ASTN2: variants seen among roughly 807,000 people sequenced by gnomAD.
The protein encoded by ASTN2 is astrotactin 2.
In ASTN2, 54 loss-of-function variants were observed where a neutral mutation model predicts 139.8. The ratio of observed to expected loss-of-function variants is 0.39; its 90% CI spans 0.31 to 0.48. ASTN2 has a LOEUF of 0.48. ASTN2 is among the 20% of genes least tolerant of loss of function. ASTN2 has a pLI of 0.95. For synonymous variants in ASTN2, 756 were observed against 719.5 expected (o/e 1.05, Z -0.81); for missense variants, 1,565 against 1,725.1 (o/e 0.91, Z 1.64).
intron 1 of ASTN2, among the ~76,000 whole-genome samples, chr9:117,336,960 C>G (rs1000079570): frequency 2.6e-5 from 4 of 152,178 alleles, no homozygotes; most frequent in African/African-American, 9.6e-5. Flanking sequence ...CGTTTTTCCT[C>G]TTAGCTGTGT....
intron 10 of ASTN2, among the ~76,000 whole-genome samples, chr9:116,943,661 C>T (rs935615550): frequency 6.6e-6 from 1 of 152,132 alleles, no homozygotes; most frequent in Non-Finnish European, 1.5e-5. Flanking sequence ...CTAATTTCCC[C>T]AACATAAAAT....
chr9:116,757,382 C>A (rs1441416273), intron 13 of ASTN2, among the ~76,000 whole-genome samples: 2 of 152,154 alleles, frequency 1.3e-5, no homozygotes, highest in Non-Finnish European at 2.9e-5. Context: ...AAGTTCCTGG[C>A]CCACTGGGAT....
intron 1 of ASTN2, among the ~76,000 whole-genome samples, chr9:117,394,138 C>G (rs1245531073): frequency 1.3e-5 from 2 of 152,144 alleles, no homozygotes; most frequent in African/African-American, 4.8e-5. Context: ...GTCAGTGCTA[C>G]CAACATTAAT....
chr9:116,479,999 G>A (rs1400385582), intron 20 of ASTN2, among the ~76,000 whole-genome samples: 3 of 152,070 alleles, frequency 2.0e-5, no homozygotes, highest in African/African-American at 7.3e-5. Flanking sequence ...TGTTAGGTGA[G>A]AATAGTAGCA....
At chr9:117,120,008 G>GTATATATATA (rs1203112485) in intron 4 of ASTN2, among the ~76,000 whole-genome samples, 16 of 45,616 alleles carry the variant, frequency 3.5e-4, no homozygotes, top group African/African-American at 1.1e-3. Context: ...GTGTGTGTGT[G>GTATATATATA]TGTGTGTGTG....
chr9:116,555,697 CA>C (rs970899558), intron 19 of ASTN2, among the ~76,000 whole-genome samples: 1 of 152,070 alleles, frequency 6.6e-6, no homozygotes, highest in Non-Finnish European at 1.5e-5. Context: ...ATGGATTTAA[CA>C]TTCACTGAAC....
intron 13 of ASTN2, among the ~76,000 whole-genome samples, chr9:116,799,310 G>T (rs1830780074): frequency 6.6e-6 from 1 of 152,070 alleles, no homozygotes; most frequent in Non-Finnish European, 1.5e-5. Context: ...GCCAAGCGTG[G>T]GTTGTGGGTG....
chr9:116,917,601 C>A (rs910799137), intron 10 of ASTN2, among the ~76,000 whole-genome samples: 2 of 152,216 alleles, frequency 1.3e-5, no homozygotes, highest in Non-Finnish European at 2.9e-5. Flanking sequence ...TCATCCCAAA[C>A]CCTCTACATA....
intron 1 of ASTN2, among the ~76,000 whole-genome samples, chr9:117,376,888 T>A (rs1341600494): frequency 2.6e-5 from 4 of 152,110 alleles, no homozygotes; most frequent in Non-Finnish European, 5.9e-5. Context: ...AACAAAGACA[T>A]CTGGCCTTTG....
intron 20 of ASTN2, among the ~76,000 whole-genome samples, chr9:116,469,073 G>GT (rs1390372831): frequency 6.6e-6 from 1 of 152,148 alleles, no homozygotes; most frequent in Non-Finnish European, 1.5e-5. Context: ...ACATTTCATC[G>GT]TGAGTTCCAT....
chr9:116,742,798 A>T (rs1193077835), intron 13 of ASTN2, among the ~76,000 whole-genome samples: 4 of 152,160 alleles, frequency 2.6e-5, no homozygotes, highest in Non-Finnish European at 1.5e-5. Flanking sequence ...AATTAAAAAT[A>T]AAAAGACTTC....
At chr9:117,232,854 T>C (rs149105874) in intron 2 of ASTN2, among the ~76,000 whole-genome samples, 1 of 152,058 alleles carries the variant, frequency 6.6e-6, no homozygotes, top group East Asian at 1.9e-4. Context: ...ATCCATACAG[T>C]TCTGAAATTT....
chr9:116,872,739 G>A (rs369257920), intron 10 of ASTN2, among the ~76,000 whole-genome samples: 2 of 152,272 alleles, frequency 1.3e-5, no homozygotes, highest in African/African-American at 2.4e-5. Context: ...GGTAAAGGGG[G>A]ATAAATAGAG....
intron 2 of ASTN2, among the ~76,000 whole-genome samples, chr9:117,268,427 AG>A (rs772597613): frequency 6.6e-5 from 10 of 152,194 alleles, no homozygotes; most frequent in Admixed American, 2.0e-4. Context: ...TTCAAATCCA[AG>A]GCCTGAACCA....
At chr9:116,644,378 A>G (rs1346982626) in intron 17 of ASTN2, among the ~76,000 whole-genome samples, 3 of 152,154 alleles carry the variant, frequency 2.0e-5, no homozygotes, top group Non-Finnish European at 4.4e-5. Context: ...CGAGGGCTGG[A>G]AAGAACCATT....
At chr9:116,765,136 G>A (rs1829775550) in intron 13 of ASTN2, among the ~76,000 whole-genome samples, 1 of 152,142 alleles carries the variant, frequency 6.6e-6, no homozygotes, top group Non-Finnish European at 1.5e-5. Flanking sequence ...CAGCCCAAGA[G>A]GGTTCCTTCT....
rs138220752 is a variant in ASTN2, at chr9:117,037,637, A to G, written c.1423+2182T>C. On this transcript the variant is annotated intron_variant, in intron 6 of 22. Coordinates refer to ENST00000313400, the MANE Select transcript of ASTN2 (RefSeq NM_001365068.1). The stretch of plus-strand genomic sequence containing the variant: ...ATTTTCTCAGGGATTCCATTTCTAC[A>G]TGTATGAAAATAAATATGTAAAACT... Among the ~76,000 whole-genome samples the G allele has an allele frequency of 3.2e-3, 494 of 152,304 alleles. 3 individuals are homozygous for G. The highest frequency in any genetic ancestry group is 0.011 in the African/African-American group (462 of 41,562).
chr9:116,775,822 A>C (rs1005385346), intron 13 of ASTN2, among the ~76,000 whole-genome samples: 1 of 147,262 alleles, frequency 6.8e-6, no homozygotes, highest in African/African-American at 2.5e-5. Context: ...AAAGGAAGGA[A>C]GAAAGGAAGG....
rs186286867 is a variant in ASTN2 at position 117,240,027 on chromosome 9, A to G, written c.631-25285T>C. ...CAAAAACATCATAAATTGAAAATGC[A>G]TTCATTACCCCAATAAAGCCATCAT... is the stretch of plus-strand genomic sequence containing the variant. On this transcript the variant is annotated intron_variant, in intron 2 of 22. Transcript: ENST00000313400. Among the ~76,000 whole-genome samples, 14 of 152,358 alleles carry G rather than the reference A, an allele frequency of 9.2e-5. No homozygotes were observed. In the East Asian group the frequency reaches 2.7e-3, roughly 29 times the overall value.
Sources: allele counts gnomAD v4.1 joint callset (sites outside exome capture counted in the v4.1 genomes callset), GRCh38; gene constraint gnomAD v4.1.1; transcripts MANE v1.5; gene names NCBI Gene and HGNC (gene_info 2026-07-23, HGNC 2026-07-21).